The following CNTN4 variants were observed in gnomAD, a reference collection of about 807,000 sequenced individuals.
CNTN4 encodes the protein contactin 4, also known as contactin-4.
CNTN4 carries 77 observed loss-of-function variants against 122.5 expected under a neutral mutation model. The ratio of observed to expected loss-of-function variants is 0.63; its 90% CI spans 0.52 to 0.76. The LOEUF is 0.76. Ranked by LOEUF, CNTN4 falls within the 30% of genes least tolerant of loss-of-function variation. The probability of loss-of-function intolerance (pLI) is 0.00; values close to 1 mark genes in which losing one functional copy is unlikely to be tolerated. For missense variants in CNTN4, 1,256 were observed against 1,259.1 expected, an observed-to-expected ratio of 1.00 and a Z score of 0.04; for synonymous variants, 512 against 447.0, an observed-to-expected ratio of 1.15 and a Z score of -1.83.
At chr3:2,487,061 C>G (rs976471451) in intron 3 of CNTN4, among the ~76,000 whole-genome samples, 2 of 151,942 alleles carry the variant, frequency 1.3e-5, no homozygotes, top group Non-Finnish European at 2.9e-5. Flanking sequence ...CACTTTTTTT[C>G]TCATCTAGCA....
intron 6 of CNTN4, among the ~76,000 whole-genome samples, chr3:2,814,960 C>T (rs6802925): frequency 0.16 from 24,231 of 152,152 alleles, 3,054 homozygotes; most frequent in African/African-American, 0.35. Context: ...GCCACAGTGA[C>T]AGAGCATTAT....
chr3:2,956,284 A>G (rs2124929338), intron 13 of CNTN4, among the ~76,000 whole-genome samples: 2 of 152,252 alleles, frequency 1.3e-5, no homozygotes, highest in African/African-American at 4.8e-5. Context: ...GGTGATGGGA[A>G]GGGGGTAATG....
intron 2 of CNTN4, among the ~76,000 whole-genome samples, chr3:2,201,930 A>G (rs1046393350): frequency 4.6e-5 from 7 of 152,162 alleles, no homozygotes; most frequent in Admixed American, 3.3e-4. Flanking sequence ...TCTTTTCCCA[A>G]TCCTTCTCAA....
At chr3:2,157,885 A>G (rs1025282930) in intron 2 of CNTN4, among the ~76,000 whole-genome samples, 1 of 152,228 alleles carries the variant, frequency 6.6e-6, no homozygotes, top group African/African-American at 2.4e-5. Flanking sequence ...TTCATTTAAG[A>G]AACATGGATA....
intron 2 of CNTN4, among the ~76,000 whole-genome samples, chr3:2,303,481 A>T (rs2042597796): frequency 6.6e-6 from 1 of 152,160 alleles, no homozygotes; most frequent in Non-Finnish European, 1.5e-5. Flanking sequence ...TATTTCACTT[A>T]GTCTATTGGT....
At chr3:2,456,655 A>G (rs192004596) in intron 3 of CNTN4, among the ~76,000 whole-genome samples, 4 of 152,260 alleles carry the variant, frequency 2.6e-5, no homozygotes, top group South Asian at 2.1e-4. Context: ...TTCATTTAGC[A>G]TGATATGTCT....
chr3:3,047,330 C>T (rs1181982577), intron 23 of CNTN4, among the ~76,000 whole-genome samples: 1 of 152,202 alleles, frequency 6.6e-6, no homozygotes, highest in Non-Finnish European at 1.5e-5. Flanking sequence ...ATACATTCTT[C>T]TCAGCACCAC....
At position 3,010,142 on chromosome 3, in the gene CNTN4, T is replaced by TA. The variant is rs200802981; in HGVS notation, c.1487-15959dup. Among the ~76,000 whole-genome samples the TA allele has an allele frequency of 5.1e-3, 775 of 152,160 alleles. 5 individuals carry two copies. The highest frequency in any genetic ancestry group is 0.018 in the African/African-American group (742 of 41,536). The stretch of plus-strand genomic sequence containing the variant: ...CTGGCCCAGAGACCTACCTCTGTAT[T>TA]ACCTGCTCAGAAAGTAAAATCCCAG... On this transcript the variant is annotated intron_variant, in intron 14 of 24. Transcript: ENST00000418658.
intron 2 of CNTN4, among the ~76,000 whole-genome samples, chr3:2,337,101 C>T (rs1013065834): frequency 6.6e-6 from 1 of 152,062 alleles, no homozygotes; most frequent in African/African-American, 2.4e-5. Context: ...GGGTCAGTCC[C>T]ATATATTCCC....
rs2045400319 is a variant in CNTN4, at chr3:2,366,861, A to G, written c.-89+27628A>G. Among the ~76,000 whole-genome samples the G allele has an allele frequency of 4.6e-5, 7 of 152,242 alleles. No homozygotes were observed. The South Asian group carries it at 1.0e-3, about 23-fold the overall frequency. On this transcript the variant is annotated intron_variant, in intron 3 of 24. Coordinates refer to ENST00000418658, the MANE Select transcript of CNTN4 (RefSeq NM_175607.3). ...TATTGTAAGCATTATCTTATTGACT[A>G]TGTTCACATAACTTTTAAGAGCTAA...
chr3:2,671,562 G>A (rs1197660707), intron 4 of CNTN4, among the ~76,000 whole-genome samples: 6 of 152,134 alleles, frequency 3.9e-5, no homozygotes. Flanking sequence ...GAAGAAGTTT[G>A]ATCATCTGAA....
At chr3:2,606,673 A>G (rs972727677) in intron 4 of CNTN4, among the ~76,000 whole-genome samples, 8 of 152,152 alleles carry the variant, frequency 5.3e-5, no homozygotes, top group Non-Finnish European at 1.0e-4. Flanking sequence ...TTGCCCCTCC[A>G]TGCTCCTACC....
chr3:2,658,491 C>G (rs1449040372), intron 4 of CNTN4, among the ~76,000 whole-genome samples: 1 of 152,154 alleles, frequency 6.6e-6, no homozygotes, highest in African/African-American at 2.4e-5. Flanking sequence ...AAGTAAAGCA[C>G]ACAGAGGTAA....
In CNTN4 at chr3:2,925,781, T is replaced by C. The variant is rs1369705385; in HGVS notation, c.1358+2T>C. 3 of 1,610,102 alleles carry C rather than the reference T, an allele frequency of 1.9e-6. No homozygotes were observed. The highest frequency in any genetic ancestry group is 2.5e-6 in the Non-Finnish European group (3 of 1,176,590). Reference sequence around the variant, plus strand: ...GGATATATTAAAAGAAAATGAAAGGTACTGTCTTGAATTATTTTCAATATT... The same window carrying C: ...GGATATATTAAAAGAAAATGAAAGGCACTGTCTTGAATTATTTTCAATATT... On this transcript the variant is annotated splice_donor_variant, in intron 13 of 24. Transcript: ENST00000418658. LOFTEE classifies it high-confidence loss of function.
At chr3:3,055,833 A>G (rs1021020351) in intron 24 of CNTN4, among the ~76,000 whole-genome samples, 3 of 152,220 alleles carry the variant, frequency 2.0e-5, no homozygotes, top group Non-Finnish European at 2.9e-5. Flanking sequence ...TCGACATAGC[A>G]TGCTGTTTAT....
intron 13 of CNTN4, among the ~76,000 whole-genome samples, chr3:2,968,260 A>G: frequency 6.6e-6 from 1 of 152,178 alleles, no homozygotes; most frequent in East Asian, 1.9e-4. Flanking sequence ...CAAAAGTAAG[A>G]TAAGTATCGG....
Position 2,676,717 on chromosome 3 carries a change from G to C in CNTN4, c.56-59498G>C, listed in dbSNP as rs572319692. ...TTGTTTTTGAAATTTACAGAATTTG[G>C]AAGAAAATGTTTCAGTAAGGAAAAC... On this transcript the variant is annotated intron_variant, in intron 4 of 24. Transcript: ENST00000418658. Among the ~76,000 whole-genome samples, 4 of 152,330 alleles carry C rather than the reference G, an allele frequency of 2.6e-5. No individual in the cohort carries two copies. In the East Asian group the frequency reaches 7.7e-4, roughly 29 times the overall value.
intron 9 of CNTN4, among the ~76,000 whole-genome samples, chr3:2,885,292 A>G (rs2093959395): frequency 6.6e-6 from 1 of 152,190 alleles, no homozygotes; most frequent in Admixed American, 6.5e-5. Context: ...CCTCTCTGCA[A>G]TTTAAGATTT....
chr3:2,718,989 A>T (rs2087669797), intron 4 of CNTN4, among the ~76,000 whole-genome samples: 1 of 152,214 alleles, frequency 6.6e-6, no homozygotes, highest in Admixed American at 6.5e-5. Flanking sequence ...CTACTTATCA[A>T]TGTGTTCTCT....
Sources: allele counts gnomAD v4.1 joint callset (sites outside exome capture counted in the v4.1 genomes callset), GRCh38; gene constraint gnomAD v4.1.1; transcripts MANE v1.5; gene names NCBI Gene and HGNC (gene_info 2026-07-23, HGNC 2026-07-21).